Variants in PALLD observed in about 807,000 individuals in gnomAD.
PALLD encodes the protein palladin.
A neutral mutation model predicts 123.5 loss-of-function variants in PALLD; 61 were observed. That is an observed-to-expected ratio of 0.49 (90% CI 0.40 to 0.61). The LOEUF (loss-of-function observed/expected upper bound fraction) is 0.61. Ranked by LOEUF, PALLD falls within the 20% of genes least tolerant of loss-of-function variation. The probability of loss-of-function intolerance (pLI) is 0.00; values close to 1 mark genes in which losing one functional copy is unlikely to be tolerated. For missense variants in PALLD, 1,273 were observed against 1,377.0 expected (o/e 0.92, Z 1.20); for synonymous variants, 465 against 496.4 (o/e 0.94, Z 0.84).
At chr4:168,811,867 G>T (rs1013348790) in intron 10 of PALLD, among the ~76,000 whole-genome samples, 1 of 151,760 alleles carries the variant, frequency 6.6e-6, no homozygotes, top group South Asian at 2.1e-4. Context: ...TCTGTTCAGC[G>T]TTGGATATTA....
chr4:168,604,022 A>G (rs759463298), intron 2 of PALLD, among the ~76,000 whole-genome samples: 1 of 152,204 alleles, frequency 6.6e-6, no homozygotes, highest in Non-Finnish European at 1.5e-5. Context: ...ATCTGGAAAA[A>G]ACTATTCTAC....
At chr4:168,906,982 G>A (rs1173019459) in intron 15 of PALLD, among the ~76,000 whole-genome samples, 1 of 152,212 alleles carries the variant, frequency 6.6e-6, no homozygotes, top group Non-Finnish European at 1.5e-5. Flanking sequence ...GGCAGGCCAT[G>A]CAGTACAGGG....
chr4:168,805,746 A>G (rs10440511), intron 10 of PALLD, among the ~76,000 whole-genome samples: 7,973 of 152,270 alleles, frequency 0.052, 714 homozygotes, highest in African/African-American at 0.18. Flanking sequence ...GGTAAGTTAC[A>G]GCACTTAGCA....
chr4:168,912,965 T>C (rs1404831288), intron 15 of PALLD, among the ~76,000 whole-genome samples: 1 of 152,150 alleles, frequency 6.6e-6, no homozygotes, highest in Admixed American at 6.5e-5. Context: ...GACCCACATA[T>C]TTTAGGTATT....
intron 2 of PALLD, chr4:168,631,679 G>C: frequency 1.0e-6 from 1 of 985,478 alleles, no homozygotes; most frequent in Non-Finnish European, 1.2e-6. Context: ...GCGCCGCCAG[G>C]AGGCTTCCCG....
chr4:168,790,397 T>C (rs1737344616), intron 10 of PALLD, among the ~76,000 whole-genome samples: 1 of 151,482 alleles, frequency 6.6e-6, no homozygotes, highest in South Asian at 2.1e-4. Flanking sequence ...CCTGACCTCA[T>C]GATCTGCCCA....
At chr4:168,772,131 AT>A in intron 10 of PALLD, among the ~76,000 whole-genome samples, 1 of 152,266 alleles carries the variant, frequency 6.6e-6, no homozygotes, top group Admixed American at 6.5e-5. Flanking sequence ...AAATAGGACT[AT>A]TTTTATTCCC....
intron 14 of PALLD, among the ~76,000 whole-genome samples, chr4:168,902,593 G>A (rs978553051): frequency 1.3e-5 from 2 of 152,048 alleles, no homozygotes; most frequent in African/African-American, 2.4e-5. Flanking sequence ...AGTGAGCCAA[G>A]ACTGCACCAC....
chr4:168,561,052 C>T (rs901289039), intron 2 of PALLD, among the ~76,000 whole-genome samples: 4 of 151,980 alleles, frequency 2.6e-5, no homozygotes, highest in Non-Finnish European at 5.9e-5. Flanking sequence ...TGTTATTATG[C>T]CCTGGAGCCA....
intron 10 of PALLD, among the ~76,000 whole-genome samples, chr4:168,853,648 G>A (rs1748135711): frequency 6.6e-6 from 1 of 152,116 alleles, no homozygotes; most frequent in South Asian, 2.1e-4. Flanking sequence ...TTGAAGGGAA[G>A]GGCTGAGACT....
intron 2 of PALLD, among the ~76,000 whole-genome samples, chr4:168,549,901 A>G (rs1766554111): frequency 6.6e-6 from 1 of 152,240 alleles, no homozygotes; most frequent in Admixed American, 6.5e-5. Context: ...TCTATCCCCA[A>G]AATGAAGAAG....
chr4:168,729,266 A>G (rs530832757), intron 10 of PALLD, among the ~76,000 whole-genome samples: 1 of 152,106 alleles, frequency 6.6e-6, no homozygotes, highest in South Asian at 2.1e-4. Flanking sequence ...CCTGGGCTCA[A>G]GGGATCCTCC....
chr4:168,688,285 C>G (rs1388203911), intron 6 of PALLD, among the ~76,000 whole-genome samples: 1 of 152,226 alleles, frequency 6.6e-6, no homozygotes. Context: ...TTACCTCCAT[C>G]TGTTTTCTCA....
chr4:168,550,979 G>T (rs1174613380), intron 2 of PALLD, among the ~76,000 whole-genome samples: 1 of 152,172 alleles, frequency 6.6e-6, no homozygotes, highest in Non-Finnish European at 1.5e-5. Context: ...TACAAAGTTT[G>T]CAGTTGCTTC....
chr4:168,642,476 A>G (rs1042935204), intron 2 of PALLD, among the ~76,000 whole-genome samples: 1 of 152,146 alleles, frequency 6.6e-6, no homozygotes, highest in Non-Finnish European at 1.5e-5. Flanking sequence ...ATCTTAGCTT[A>G]CTGCAATCTC....
intron 2 of PALLD, chr4:168,631,985 C>A: frequency 1.3e-6 from 1 of 771,330 alleles, no homozygotes; most frequent in Middle Eastern, 6.5e-4. Flanking sequence ...AGTACTCGTG[C>A]GAAGAGTACT....
chr4:168,560,044 T>C (rs1767711528), intron 2 of PALLD, among the ~76,000 whole-genome samples: 1 of 152,202 alleles, frequency 6.6e-6, no homozygotes, highest in Non-Finnish European at 1.5e-5. Context: ...TCAATGTATA[T>C]TTCCTAGAAG....
At chr4:168,621,225 G>A (rs1266206408) in intron 2 of PALLD, among the ~76,000 whole-genome samples, 4 of 152,118 alleles carry the variant, frequency 2.6e-5, no homozygotes, top group African/African-American at 4.8e-5. Flanking sequence ...CAGAGGGAAG[G>A]CTCAATAAAC....
At chr4:168,897,636 G>C (rs1486837211) in intron 13 of PALLD, among the ~76,000 whole-genome samples, 1 of 152,102 alleles carries the variant, frequency 6.6e-6, no homozygotes, top group Non-Finnish European at 1.5e-5. Context: ...ATTTTTTGTA[G>C]AGATGGGGTC....
Sources: gnomAD v4.1 joint callset for allele counts (sites outside exome capture counted in the v4.1 genomes callset) on GRCh38, gnomAD v4.1.1 for gene constraint, MANE v1.5 for transcripts, NCBI Gene and HGNC (gene_info 2026-07-23, HGNC 2026-07-21) for gene names.